Variants in EXPH5 observed in about 807,000 individuals in gnomAD.
EXPH5 encodes exophilin 5.
Under a neutral mutation model 41.1 loss-of-function variants are expected in EXPH5, and 42 were observed. The observed-to-expected ratio is 1.02, with a 90% CI of 0.80 to 1.32. EXPH5 has a LOEUF of 1.32. Among genes scored for constraint, EXPH5 ranks in the 40% most tolerant of loss-of-function variants. EXPH5 has a pLI of 0.00. For synonymous variants in EXPH5, 798 were observed against 833.5 expected (o/e 0.96, Z 0.73); for missense variants, 2,298 against 2,314.5 (o/e 0.99, Z 0.15).
intron 3 of EXPH5, among the ~76,000 whole-genome samples, chr11:108,532,817 T>C (rs1224519198): frequency 6.6e-6 from 1 of 152,156 alleles, no homozygotes; most frequent in Admixed American, 6.6e-5. Context: ...GATGACTATC[T>C]CATACTTGAA....
intron 1 of EXPH5, among the ~76,000 whole-genome samples, chr11:108,557,915 G>C (rs2093996702): frequency 6.6e-6 from 1 of 152,028 alleles, no homozygotes; most frequent in Non-Finnish European, 1.5e-5. Context: ...GGTTGAACTA[G>C]AGGCTATCAA....
Position 108,514,315 on chromosome 11 carries a change from C to A in EXPH5, c.1192G>T (p.Asp398Tyr), listed in dbSNP as rs2093706950. The A allele has an allele frequency of 1.2e-6, 2 of 1,613,250 alleles. No individual in the cohort carries two copies. Among genetic ancestry groups the A allele is most frequent in the Non-Finnish European group, 1.7e-6 (2 of 1,179,558 alleles). The change falls in exon 6 of 6, where the codon GAT becomes TAT. Residue 398 changes from aspartate to tyrosine, a missense_variant. Coordinates refer to ENST00000265843, the MANE Select transcript of EXPH5 (RefSeq NM_015065.3). ...FLRAPSPMEI[D>Y]PADKYVYPRG... is the part of the protein sequence containing the mutation. ...GGATACACATACTTGTCAGCGGGAT[C>A]AATTTCCATTGGTGATGGTGCCCTC...
chr11:108,523,591 G>T (rs544098013), intron 4 of EXPH5, among the ~76,000 whole-genome samples: 1 of 152,186 alleles, frequency 6.6e-6, no homozygotes, highest in Non-Finnish European at 1.5e-5. Flanking sequence ...ACTATATAAG[G>T]CTGTGTGTGG....
intron 4 of EXPH5, among the ~76,000 whole-genome samples, chr11:108,527,475 C>T (rs1227003760): frequency 2.0e-5 from 3 of 152,158 alleles, no homozygotes; most frequent in African/African-American, 4.8e-5. Flanking sequence ...TATACTTGCT[C>T]TCCTCCTGCC....
intron 3 of EXPH5, chr11:108,537,835 C>G (rs1043650936): frequency 2.1e-5 from 6 of 285,882 alleles, no homozygotes; most frequent in African/African-American, 1.4e-4. Flanking sequence ...AGCTATACCA[C>G]GCAGTGGAAA....
At chr11:108,538,495 A>G (rs905543582) in intron 3 of EXPH5, among the ~76,000 whole-genome samples, 1 of 152,162 alleles carries the variant, frequency 6.6e-6, no homozygotes, top group Non-Finnish European at 1.5e-5. Context: ...CTGAGCAAAC[A>G]CATGGGAACA....
intron 1 of EXPH5, among the ~76,000 whole-genome samples, chr11:108,551,421 A>G (rs1020864174): frequency 2.6e-5 from 4 of 152,138 alleles, no homozygotes; most frequent in African/African-American, 7.2e-5. Context: ...AAAAATCTCA[A>G]ATGTTTCTCA....
chr11:108,523,449 A>G (rs560837588), intron 4 of EXPH5, among the ~76,000 whole-genome samples: 1 of 152,230 alleles, frequency 6.6e-6, no homozygotes, highest in African/African-American at 2.4e-5. Context: ...TAATGTACAT[A>G]TCTTCAGTTA....
intron 3 of EXPH5, among the ~76,000 whole-genome samples, chr11:108,532,368 T>TATATATATACA (rs1565800742): frequency 3.7e-5 from 1 of 27,162 alleles, no homozygotes; most frequent in African/African-American, 2.6e-4. Context: ...ATATATATAT[T>TATATATATACA]TTTTTTTTTT....
chr11:108,584,623 T>C (rs969110926), intron 1 of EXPH5, among the ~76,000 whole-genome samples: 7 of 152,108 alleles, frequency 4.6e-5, no homozygotes, highest in Admixed American at 2.6e-4. Context: ...TCCAAAAATA[T>C]AGCAAATTTT....
chr11:108,597,324 A>G (rs1178479854), upstream of EXPH5, among the ~76,000 whole-genome samples: 6 of 152,114 alleles, frequency 3.9e-5, no homozygotes, highest in East Asian at 7.7e-4. Context: ...CAGCCTCCCA[A>G]TTAGGTGGGA....
At chr11:108,563,496 G>A (rs896204237) in intron 1 of EXPH5, among the ~76,000 whole-genome samples, 2 of 152,186 alleles carry the variant, frequency 1.3e-5, no homozygotes, top group African/African-American at 4.8e-5. Flanking sequence ...CAGAGCAGGG[G>A]AGAGCACATT....
rs1286213854 is a variant in EXPH5, at chr11:108,514,377, T to C, written c.1130A>G (p.Asp377Gly). Residue 377 changes from aspartate (D) to glycine (G), a missense_variant, in exon 6 of 6, where the codon GAT becomes GGT. By Grantham distance (94) the Asp-to-Gly change is moderately conservative. Coordinates refer to ENST00000265843, the MANE Select transcript of EXPH5 (RefSeq NM_015065.3). Reference protein sequence around the residue: ...PLSSIIWNRSDSSRDRENQEE... With the variant: ...PLSSIIWNRSGSSRDRENQEE... ...CTGGTTCTCCCTGTCTCTAGAGGAATCTGATCTGTTCCATATGATGGATGA... is the reference window on the plus strand; with the variant it reads ...CTGGTTCTCCCTGTCTCTAGAGGAACCTGATCTGTTCCATATGATGGATGA... The C allele has an allele frequency of 6.2e-7, 1 of 1,614,116 alleles. No homozygotes were observed. The highest frequency in any genetic ancestry group is 1.6e-4 in the Middle Eastern group (1 of 6,062).
In EXPH5 at chr11:108,571,909, G is replaced by A. The variant is rs535564473; in HGVS notation, c.119+21509C>T. Among the ~76,000 whole-genome samples, 39 of 152,146 alleles carry A rather than the reference G, an allele frequency of 2.6e-4. No individual in the cohort carries two copies. The South Asian group carries it at 4.4e-3, about 17-fold the overall frequency. The stretch of plus-strand genomic sequence containing the variant: ...TAAAAATACAAAAAATTAGCCAGGC[G>A]TGGTGGCGGGCGCCTGTAGTCCCAG... On this transcript the variant is annotated intron_variant, in intron 1 of 5. Coordinates refer to ENST00000265843, the MANE Select transcript of EXPH5 (RefSeq NM_015065.3).
intron 1 of EXPH5, among the ~76,000 whole-genome samples, chr11:108,586,908 G>C (rs556047818): frequency 1.3e-5 from 2 of 152,082 alleles, no homozygotes; most frequent in East Asian, 2.0e-4. Context: ...GAAACATCCT[G>C]AGAAGGAGAG....
At chr11:108,523,002 C>T (rs1278704255) in intron 4 of EXPH5, among the ~76,000 whole-genome samples, 4 of 152,042 alleles carry the variant, frequency 2.6e-5, no homozygotes, top group African/African-American at 9.7e-5. Flanking sequence ...CCACCTCAGC[C>T]TCTTGAGTAA....
Position 108,510,196 on chromosome 11 carries a change from C to T in EXPH5, c.5311G>A (p.Ala1771Thr). Residue 1771 changes from alanine (A) to threonine (T), a missense_variant, in exon 6 of 6, where the codon GCC (alanine) becomes ACC (threonine). Coordinates refer to ENST00000265843, the MANE Select transcript of EXPH5 (RefSeq NM_015065.3). ...AQKSRVSSPL[A>T]SFLQQQRSAS... Reference sequence around the variant, plus strand: ...CTCCTTTGTTGCTGCAGAAAACTGGCCAGTGGACTGCTTACTCTAGATTTC... The same window carrying T: ...CTCCTTTGTTGCTGCAGAAAACTGGTCAGTGGACTGCTTACTCTAGATTTC... 6.2e-7 allele frequency: 1 copy of T among 1,614,014 alleles called. No homozygotes were observed. Among genetic ancestry groups the T allele is most frequent in the Non-Finnish European group, 8.5e-7 (1 of 1,179,986 alleles).
At chr11:108,554,807 C>T (rs1163170451) in intron 1 of EXPH5, among the ~76,000 whole-genome samples, 2 of 152,102 alleles carry the variant, frequency 1.3e-5, no homozygotes, top group South Asian at 2.1e-4. Context: ...TCCTGTAGTC[C>T]CAGGTACTTG....
intron 1 of EXPH5, among the ~76,000 whole-genome samples, chr11:108,544,249 G>C (rs1178755001): frequency 6.6e-6 from 1 of 152,056 alleles, no homozygotes; most frequent in Non-Finnish European, 1.5e-5. Flanking sequence ...GAGTGCATTG[G>C]TTCAGTTATA....
Sources: gnomAD v4.1 joint callset for allele counts (sites outside exome capture counted in the v4.1 genomes callset) on GRCh38, gnomAD v4.1.1 for gene constraint, MANE v1.5 for transcripts, NCBI Gene and HGNC (gene_info 2026-07-23, HGNC 2026-07-21) for gene names.